Variants in ACTR3C observed in about 807,000 individuals in gnomAD.
ACTR3C encodes the protein actin related protein 3C, also known as actin-related protein 3C.
A neutral mutation model predicts 26.3 loss-of-function variants in ACTR3C; 18 were observed. The observed-to-expected ratio is 0.68, with a 90% confidence interval of 0.47 to 1.01. The LOEUF (loss-of-function observed/expected upper bound fraction) is 1.01. Among genes scored for constraint, ACTR3C ranks in the 50% least tolerant of loss-of-function variants. The pLI is 0.00. For synonymous variants in ACTR3C, 55 were observed against 94.5 expected (o/e 0.58, Z 2.42); for missense variants, 184 against 250.7 (o/e 0.73, Z 1.80).
chr7:150,198,559 G>A, the ACTR3C span, among the ~76,000 whole-genome samples: 35 of 147,920 alleles, frequency 2.4e-4, 5 homozygotes, highest in African/African-American at 7.5e-4. Flanking sequence ...GGTGAGGAGC[G>A]TCTCTGCCCG....
chr7:149,889,211 A>G, the ACTR3C span, among the ~76,000 whole-genome samples: 7 of 152,306 alleles, frequency 4.6e-5, no homozygotes, highest in South Asian at 1.4e-3. Context: ...TACTTCACAA[A>G]AGAAGAACTG....
chr7:150,161,225 T>TA, the ACTR3C span, among the ~76,000 whole-genome samples: 19 of 134,034 alleles, frequency 1.4e-4, no homozygotes, highest in Non-Finnish European at 1.7e-4. Context: ...TATATATATA[T>TA]TTATTATACT....
At chr7:149,986,628 T>C in the ACTR3C span, among the ~76,000 whole-genome samples, 1 of 152,128 alleles carries the variant, frequency 6.6e-6, no homozygotes, top group Non-Finnish European at 1.5e-5. Flanking sequence ...TGGATGGAAT[T>C]GAACAAACTC....
At chr7:150,239,540 C>CTCTCTCTCTA (rs1317088405), downstream of ACTR3C, among the ~76,000 whole-genome samples, 2 of 90,252 alleles carry the variant, frequency 2.2e-5, no homozygotes, top group African/African-American at 6.0e-5. Flanking sequence ...CTCTCTCTCT[C>CTCTCTCTCTA]TATATATATA....
intron 1 of ACTR3C, among the ~76,000 whole-genome samples, chr7:150,316,332 C>T (rs1403869725): frequency 1.3e-5 from 2 of 152,190 alleles, no homozygotes; most frequent in African/African-American, 4.8e-5. Context: ...ATACATTGCA[C>T]ACATACATAG....
the ACTR3C span, among the ~76,000 whole-genome samples, chr7:149,955,767 G>A: frequency 5.5e-4 from 83 of 152,246 alleles, no homozygotes; most frequent in African/African-American, 2.9e-4. Context: ...TCCTCCAAAC[G>A]TGAGAGCTTA....
chr7:150,181,545 G>A, the ACTR3C span, among the ~76,000 whole-genome samples: 1 of 150,348 alleles, frequency 6.7e-6, no homozygotes, highest in Non-Finnish European at 1.5e-5. Flanking sequence ...AGTGACCTTA[G>A]GTGGCACCAC....
chr7:149,902,056 T>G, the ACTR3C span, among the ~76,000 whole-genome samples: 1 of 151,560 alleles, frequency 6.6e-6, no homozygotes, highest in Non-Finnish European at 1.5e-5. Context: ...GCCAAAAAAG[T>G]CATCTGAGGG....
chr7:149,947,906 T>C, the ACTR3C span, among the ~76,000 whole-genome samples: 22,474 of 149,430 alleles, frequency 0.15, 5,529 homozygotes, highest in African/African-American at 0.53. Flanking sequence ...TCTAGCTAAA[T>C]CCCCATCTGC....
At chr7:150,149,987 C>T in the ACTR3C span, among the ~76,000 whole-genome samples, 1 of 152,152 alleles carries the variant, frequency 6.6e-6, no homozygotes, top group African/African-American at 2.4e-5. Flanking sequence ...GCTTGATAAA[C>T]TTATGATTTG....
the ACTR3C span, among the ~76,000 whole-genome samples, chr7:150,100,494 T>C: frequency 6.6e-6 from 1 of 151,778 alleles, no homozygotes; most frequent in East Asian, 1.9e-4. Context: ...AATATTTAGT[T>C]TCTTTAGTAA....
chr7:150,045,949 T>A, the ACTR3C span, among the ~76,000 whole-genome samples: 456 of 152,296 alleles, frequency 3.0e-3, 3 homozygotes, highest in South Asian at 0.032. Context: ...TTCCCCAAGA[T>A]TCTCGGTAGT....
chr7:150,015,840 T>C, the ACTR3C span, among the ~76,000 whole-genome samples: 2 of 152,360 alleles, frequency 1.3e-5, no homozygotes, highest in East Asian at 1.9e-4. Flanking sequence ...TGACTACATG[T>C]CCTCATTTTG....
At chr7:150,207,739 C>T in the ACTR3C span, among the ~76,000 whole-genome samples, 5 of 152,162 alleles carry the variant, frequency 3.3e-5, no homozygotes, top group African/African-American at 1.2e-4. Context: ...AAATTGTTGA[C>T]ACGCTTTTCA....
the ACTR3C span, among the ~76,000 whole-genome samples, chr7:149,917,422 C>T: frequency 6.6e-6 from 1 of 152,104 alleles, no homozygotes; most frequent in Non-Finnish European, 1.5e-5. Context: ...TTTCACTTTA[C>T]TTGTTAAATG....
the ACTR3C span, among the ~76,000 whole-genome samples, chr7:149,976,345 C>T: frequency 3.9e-3 from 590 of 152,110 alleles, 4 homozygotes; most frequent in Non-Finnish European, 4.8e-3. Context: ...GAGGCTGAGG[C>T]GGGCGGATCA....
At chr7:150,076,045 G>T in the ACTR3C span, among the ~76,000 whole-genome samples, 2 of 152,166 alleles carry the variant, frequency 1.3e-5, no homozygotes, top group East Asian at 1.9e-4. Flanking sequence ...ATCAGGGAGT[G>T]CCATGAAAGG....
At chr7:150,047,628 C>T in the ACTR3C span, 1 of 1,047,808 alleles carries the variant, frequency 9.5e-7, no homozygotes, top group East Asian at 6.6e-5. Context: ...GTCACCATCG[C>T]TCCGCGCCTG....
chr7:149,950,611 A>G, the ACTR3C span, among the ~76,000 whole-genome samples: 653 of 149,050 alleles, frequency 4.4e-3, 1 homozygote, highest in African/African-American at 0.016. Flanking sequence ...CCACAGAGAC[A>G]CAAAGTCAGG....
Sources: allele counts gnomAD v4.1 joint callset (sites outside exome capture counted in the v4.1 genomes callset), GRCh38; gene constraint gnomAD v4.1.1; transcripts MANE v1.5; gene names NCBI Gene and HGNC (gene_info 2026-07-23, HGNC 2026-07-21).